MAGI3: variants seen among roughly 807,000 people sequenced by gnomAD.
MAGI3 encodes membrane-associated guanylate kinase, WW and PDZ domain-containing protein 3.
In MAGI3, 43 loss-of-function variants were observed where a neutral mutation model predicts 121.8. The ratio of observed to expected loss-of-function variants is 0.35; its 90% CI spans 0.28 to 0.46. The LOEUF (loss-of-function observed/expected upper bound fraction) is 0.46. MAGI3 is among the 20% of genes least tolerant of loss of function. The probability of loss-of-function intolerance (pLI) is 1.00; values close to 1 mark genes in which losing one functional copy is unlikely to be tolerated. For missense variants in MAGI3, 1,547 were observed against 1,797.3 expected (o/e 0.86, Z 2.52); for synonymous variants, 553 against 639.3 (o/e 0.86, Z 2.04).
At chr1:113,472,661 G>GGTGT (rs142790579) in intron 1 of MAGI3, among the ~76,000 whole-genome samples, 5 of 147,878 alleles carry the variant, frequency 3.4e-5, no homozygotes, top group Non-Finnish European at 6.0e-5. Context: ...ATCTACTACA[G>GGTGT]GTGTGTGTGT....
chr1:113,503,368 T>A (rs12407567), intron 1 of MAGI3, among the ~76,000 whole-genome samples: 1 of 136,672 alleles, frequency 7.3e-6, no homozygotes, highest in Non-Finnish European at 1.5e-5. Flanking sequence ...GAGAAAACAG[T>A]GCTAAATTAT....
intron 1 of MAGI3, among the ~76,000 whole-genome samples, chr1:113,434,611 G>A (rs1653470683): frequency 6.6e-6 from 1 of 152,150 alleles, no homozygotes; most frequent in Non-Finnish European, 1.5e-5. Context: ...TCTGTCCTCT[G>A]TGCCTCTCTA....
chr1:113,580,445 CT>C (rs1477982808), intron 2 of MAGI3, 96 bp from the exon 3 acceptor site: 2 of 1,108,180 alleles, frequency 1.8e-6, no homozygotes, highest in African/African-American at 3.2e-5. Context: ...TGAAACATCT[CT>C]TATGTGTTCT....
At chr1:113,661,481 C>G (rs924557846) in intron 16 of MAGI3, among the ~76,000 whole-genome samples, 1 of 152,196 alleles carries the variant, frequency 6.6e-6, no homozygotes, top group East Asian at 1.9e-4. Context: ...CTCTCAATAT[C>G]TATGTATCTC....
At chr1:113,628,505 A>G (rs746622895) in intron 9 of MAGI3, among the ~76,000 whole-genome samples, 14 of 152,144 alleles carry the variant, frequency 9.2e-5, no homozygotes, top group Non-Finnish European at 2.1e-4. Flanking sequence ...TGCTATTACC[A>G]GTGAGTTTTG....
chr1:113,490,621 C>T lies in MAGI3; in HGVS notation c.317-58894C>T, dbSNP rs1165820537. Among the ~76,000 whole-genome samples the T allele has an allele frequency of 2.0e-5, 3 of 152,154 alleles. No homozygotes were observed. In the East Asian group the frequency reaches 5.8e-4, roughly 29 times the overall value. On this transcript the variant is annotated intron_variant, in intron 1 of 20. Transcript: ENST00000307546. Reference sequence around the variant, plus strand: ...ATCAGACCCATTGGTATGCTGTCTTCAAGAGACCAGTCTCACACGGAGTGA... The same window carrying T: ...ATCAGACCCATTGGTATGCTGTCTTTAAGAGACCAGTCTCACACGGAGTGA...
chr1:113,425,052 A>G (rs12029305), intron 1 of MAGI3, among the ~76,000 whole-genome samples: 26,993 of 151,614 alleles, frequency 0.18, 3,110 homozygotes, highest in East Asian at 0.63. Flanking sequence ...CCAGCTACTT[A>G]GGAGGCTGAG....
At chr1:113,512,906 C>G (rs1156405976) in intron 1 of MAGI3, among the ~76,000 whole-genome samples, 2 of 152,140 alleles carry the variant, frequency 1.3e-5, no homozygotes, top group Non-Finnish European at 2.9e-5. Flanking sequence ...TCTCCTTAAG[C>G]TGATAAGCAA....
intron 13 of MAGI3, among the ~76,000 whole-genome samples, chr1:113,650,594 A>G (rs1287405824): frequency 1.3e-5 from 2 of 152,190 alleles, no homozygotes; most frequent in Non-Finnish European, 2.9e-5. Context: ...ATGTGATGGG[A>G]GTACTGTTGA....
chr1:113,425,613 G>T (rs1175851613), intron 1 of MAGI3, among the ~76,000 whole-genome samples: 4 of 151,866 alleles, frequency 2.6e-5, no homozygotes, highest in African/African-American at 7.3e-5. Context: ...ATGTTTATAG[G>T]ACTATTCAGA....
intron 1 of MAGI3, among the ~76,000 whole-genome samples, chr1:113,455,944 C>G (rs1162342288): frequency 6.6e-6 from 1 of 151,124 alleles, no homozygotes; most frequent in Non-Finnish European, 1.5e-5. Context: ...TCCGTTTTTT[C>G]TTTTTTCTCT....
Position 113,450,727 on chromosome 1 carries a change from G to T in MAGI3, c.316+59378G>T, listed in dbSNP as rs189274062. 93 of 1,116,746 alleles carry T rather than the reference G, an allele frequency of 8.3e-5. 1 individual carries two copies. In the East Asian group the frequency reaches 1.9e-3, roughly 22 times the overall value. The allele number at this position is 1,116,746 out of a possible 1,614,324, so 69.2% of individuals were successfully genotyped here. A position where few individuals can be genotyped will look rare whatever the true frequency, so the allele number is the denominator to read the frequency against. On this transcript the variant is annotated intron_variant, in intron 1 of 20. Coordinates refer to ENST00000307546, the MANE Select transcript of MAGI3 (RefSeq NM_001142782.2). ...GAAGTGGTGGATATGGTAGCAGAAG[G>T]TTCGAAAAACAGCAGAAAAGGGCTA...
chr1:113,585,747 G>A (rs565194462), intron 4 of MAGI3, 151 bp downstream of exon 4: 3 of 663,852 alleles, frequency 4.5e-6, no homozygotes, highest in Non-Finnish European at 7.8e-6. Flanking sequence ...GGAGCAAAGT[G>A]TATTTCTGTA....
intron 1 of MAGI3, among the ~76,000 whole-genome samples, chr1:113,466,198 T>A (rs960349527): frequency 6.6e-6 from 1 of 152,194 alleles, no homozygotes; most frequent in African/African-American, 2.4e-5. Context: ...GAGGATTTTA[T>A]CATAAAGGGA....
At chr1:113,665,982 A>ATACTG (rs1477158891) in intron 16 of MAGI3, among the ~76,000 whole-genome samples, 1 of 152,244 alleles carries the variant, frequency 6.6e-6, no homozygotes, top group African/African-American at 2.4e-5. Context: ...TATTTACACT[A>ATACTG]TACTGTAGTC....
chr1:113,615,162 G>A (rs1313834264), intron 7 of MAGI3, among the ~76,000 whole-genome samples: 2 of 152,158 alleles, frequency 1.3e-5, no homozygotes, highest in Admixed American at 1.3e-4. Context: ...TTCTTAGGCA[G>A]CTGCTATGGT....
At chr1:113,547,718 G>A (rs1451337593) in intron 1 of MAGI3, among the ~76,000 whole-genome samples, 1 of 152,122 alleles carries the variant, frequency 6.6e-6, no homozygotes, top group African/African-American at 2.4e-5. Flanking sequence ...GTGATGAATA[G>A]TATACTGTAT....
At chr1:113,652,708 C>A (rs2146018) in intron 14 of MAGI3, among the ~76,000 whole-genome samples, 15,670 of 151,480 alleles carry the variant, frequency 0.1, 1,031 homozygotes, top group East Asian at 0.19. Flanking sequence ...GAATTTTCAG[C>A]CAGAAAGAGA....
At chr1:113,505,512 T>TAATAAATA (rs58511819) in intron 1 of MAGI3, among the ~76,000 whole-genome samples, 51,723 of 135,202 alleles carry the variant, frequency 0.38, 10,290 homozygotes, top group Middle Eastern at 0.44. Flanking sequence ...GGTCCCTACA[T>TAATAAATA]AATAAATAAA....
Sources: gnomAD v4.1 joint callset for allele counts (sites outside exome capture counted in the v4.1 genomes callset) on GRCh38, gnomAD v4.1.1 for gene constraint, MANE v1.5 for transcripts, NCBI Gene and HGNC (gene_info 2026-07-23, HGNC 2026-07-21) for gene names.